The following RECK variants were observed in gnomAD, a reference collection of about 807,000 sequenced individuals.
RECK encodes the protein reversion inducing cysteine rich protein with kazal motifs.
Under a neutral mutation model 115.1 loss-of-function variants are expected in RECK, and 69 were observed. That is an observed-to-expected ratio of 0.60 (90% CI 0.49 to 0.73). The LOEUF is 0.73. RECK is among the 30% of genes least tolerant of loss of function. RECK has a pLI of 0.00. For missense variants in RECK, 1,047 were observed against 1,203.7 expected (o/e 0.87, Z 1.93); for synonymous variants, 414 against 419.7 (o/e 0.99, Z 0.17).
intron 18 of RECK, 74 bp downstream of exon 18, chr9:36,119,041 T>C (rs1824368796): frequency 7.2e-7 from 1 of 1,381,248 alleles, no homozygotes; most frequent in Non-Finnish European, 1.0e-6. Context: ...GAGTGAGTCA[T>C]TGAGAAGAGA....
intron 6 of RECK, chr9:36,066,742 A>G: frequency 1.7e-6 from 2 of 1,190,700 alleles, no homozygotes; most frequent in Admixed American, 2.7e-5. Context: ...CTCCTACATG[A>G]TGTCTGACAC....
rs1588286394 is a variant in RECK, at chr9:36,063,882, T to C, written c.357+2T>C. On this transcript the variant is annotated splice_donor_variant, in intron 5 of 20. Transcript: ENST00000377966. LOFTEE classifies it high-confidence loss of function. ...GAGTGTCGACAGGCATGCAAGCAGGTAACACTGGGTAGTCAGGCTCTCAAA... is the reference window on the plus strand; with the variant it reads ...GAGTGTCGACAGGCATGCAAGCAGGCAACACTGGGTAGTCAGGCTCTCAAA... The C allele has an allele frequency of 6.2e-7, 1 of 1,613,732 alleles. No individual in the cohort carries two copies. Among genetic ancestry groups the C allele is most frequent in the Non-Finnish European group, 8.5e-7 (1 of 1,179,624 alleles).
rs1204345648 is a variant in RECK at position 36,065,589 on chromosome 9, AATG to A, written c.373_375del (p.Asp125del). ...TGTTGGTTTTTAGGCATCTTCAAAGAATGATATTTCCAAAGTTTGCAGAAAAGA... is the reference window on the plus strand; with the variant it reads ...TGTTGGTTTTTAGGCATCTTCAAAGAATATTTCCAAAGTTTGCAGAAAAGA... On this transcript the variant is annotated inframe_deletion, in exon 6 of 21. Transcript: ENST00000377966. 1 of 1,588,434 alleles carries A rather than the reference AATG, an allele frequency of 6.3e-7. No homozygotes were observed. The highest frequency in any genetic ancestry group is 1.8e-5 in the Admixed American group (1 of 55,890).
rs139849271 is a variant in RECK, at chr9:36,117,028, T to G, written c.2104T>G (p.Phe702Val). The G allele has an allele frequency of 1.0e-4, 165 of 1,613,072 alleles. No individual in the cohort carries two copies. The highest frequency in any genetic ancestry group is 1.4e-4 in the Non-Finnish European group (161 of 1,179,466). Reference protein sequence around the residue: ...PQVCLTTFDKFGCSQYECVPR... With the variant: ...PQVCLTTFDKVGCSQYECVPR... ...GGTCTGCCTGACGACTTTTGATAAA[T>G]TTGGATGTAGCCAGTATGAGTGTGT... Residue 702 changes from phenylalanine (F) to valine (V), a missense_variant, in exon 17 of 21, where the codon TTT (phenylalanine) becomes GTT (valine). Coordinates refer to ENST00000377966, the MANE Select transcript of RECK (RefSeq NM_021111.3).
intron 18 of RECK, 150 bp downstream of exon 18, chr9:36,119,117 T>C: frequency 1.3e-6 from 1 of 793,856 alleles, no homozygotes; most frequent in South Asian, 1.8e-5. Flanking sequence ...CTACTTTGGG[T>C]TGACCTTAAA....
At chr9:36,112,253 G>T in intron 15 of RECK, 52 bp from the exon 16 acceptor site, 2 of 1,563,298 alleles carry the variant, frequency 1.3e-6, no homozygotes, top group South Asian at 1.1e-5. Flanking sequence ...GGAAATATAA[G>T]GGGAGGGGGA....
chr9:36,060,918 A>C lies in RECK; in HGVS notation c.271+763A>C, dbSNP rs73648704. 8.7e-3 allele frequency among the ~76,000 whole-genome samples: 1,330 copies of C among 152,262 alleles called. 20 individuals are homozygous for C. The highest frequency in any genetic ancestry group is 0.031 in the African/African-American group (1,277 of 41,542). ...CTCATAACTGCACCTCTTGTGAATG[A>C]TACTAGACTGGAAACCCCCAAGTTA... On this transcript the variant is annotated intron_variant, in intron 4 of 20. Coordinates refer to ENST00000377966, the MANE Select transcript of RECK (RefSeq NM_021111.3).
chr9:36,071,456 T>C (rs1421643748), intron 6 of RECK, among the ~76,000 whole-genome samples: 1 of 152,226 alleles, frequency 6.6e-6, no homozygotes, highest in African/African-American at 2.4e-5. Flanking sequence ...ATAATGGCCA[T>C]AAATATAAAT....
chr9:36,093,478 C>A (rs78641897), intron 10 of RECK, among the ~76,000 whole-genome samples: 3,811 of 151,976 alleles, frequency 0.025, 168 homozygotes, highest in African/African-American at 0.086. Context: ...CTAAAAAAAA[C>A]CACATGGAAA....
intron 13 of RECK, among the ~76,000 whole-genome samples, chr9:36,106,617 AATACTGTAAT>A (rs777732191): frequency 1.7e-4 from 26 of 152,084 alleles, no homozygotes; most frequent in Non-Finnish European, 2.5e-4. Context: ...ATATATGTGT[AATACTGTAAT>A]ATATCGGCTA....
chr9:36,051,090 TTGAA>T (rs1821283185), intron 1 of RECK, among the ~76,000 whole-genome samples: 1 of 152,180 alleles, frequency 6.6e-6, no homozygotes, highest in Non-Finnish European at 1.5e-5. Context: ...TTATGTTTTT[TTGAA>T]TGAATGATCA....
intron 10 of RECK, among the ~76,000 whole-genome samples, chr9:36,097,557 G>A (rs1030074041): frequency 2.6e-5 from 4 of 152,156 alleles, no homozygotes; most frequent in Non-Finnish European, 4.4e-5. Context: ...GGAGAAAAGG[G>A]AAGTCTTGTA....
chr9:36,086,532 T>A (rs1215416170), intron 8 of RECK, among the ~76,000 whole-genome samples: 1 of 151,864 alleles, frequency 6.6e-6, no homozygotes, highest in Non-Finnish European at 1.5e-5. Context: ...TTGTGAAGAG[T>A]GAAAGAACAA....
chr9:36,121,786 GGT>G (rs547870655), intron 20 of RECK, 98 bp downstream of exon 20: 185 of 1,300,416 alleles, frequency 1.4e-4, no homozygotes, highest in Non-Finnish European at 1.9e-4. Flanking sequence ...AGGATCCGTG[GGT>G]GAGGGAGTGG....
intron 12 of RECK, among the ~76,000 whole-genome samples, chr9:36,102,596 A>G (rs1249664303): frequency 6.6e-6 from 1 of 152,164 alleles, no homozygotes; most frequent in Non-Finnish European, 1.5e-5. Context: ...GCCTTTTGTC[A>G]TCAGAGTGTC....
rs774604465 is a variant in RECK, at chr9:36,058,831, TCTC to T, written c.168_170del (p.Ser57del). On this transcript the variant is annotated inframe_deletion, in exon 3 of 21. Transcript: ENST00000377966. ...TTTTTTTTTTTTGTCAAATAGATTT[TCTC>T]CTCAAAAAGTGAATCCCGACTAAAA... The T allele has an allele frequency of 1.3e-6, 2 of 1,591,108 alleles. No individual in the cohort carries two copies. Among genetic ancestry groups the T allele is most frequent in the South Asian group, 2.3e-5 (2 of 87,228 alleles).
intron 9 of RECK, 84 bp from the exon 10 acceptor site, chr9:36,091,080 A>G: frequency 7.8e-7 from 1 of 1,277,718 alleles, no homozygotes; most frequent in Non-Finnish European, 1.1e-6. Context: ...CAAAGTATAT[A>G]GTTCATAGAG....
intron 7 of RECK, among the ~76,000 whole-genome samples, chr9:36,081,943 G>A (rs941408382): frequency 1.3e-5 from 2 of 152,098 alleles, no homozygotes; most frequent in Non-Finnish European, 2.9e-5. Context: ...AGTAGGTATG[G>A]AATAGTTTCC....
rs1468742703 is a variant in RECK, at chr9:36,123,347, G to A, written c.*302G>A. 1.1e-5 allele frequency: 3 copies of A among 271,392 alleles called. No homozygotes were observed. Among genetic ancestry groups the A allele is most frequent in the South Asian group, 8.4e-5 (1 of 11,950 alleles). 16.8% of individuals were successfully genotyped at this position (271,392 alleles called of 1,614,324 possible). A position where few individuals can be genotyped will look rare whatever the true frequency, so the allele number is the denominator to read the frequency against. ...TCCCCCACTCTAAAGCAAATTTATC[G>A]CTGGGAAATGAGATGACCACTTTTT... On this transcript the variant is annotated 3_prime_UTR_variant, in exon 21 of 21. Coordinates refer to ENST00000377966, the MANE Select transcript of RECK (RefSeq NM_021111.3).
Sources: allele counts gnomAD v4.1 joint callset (sites outside exome capture counted in the v4.1 genomes callset), GRCh38; gene constraint gnomAD v4.1.1; transcripts MANE v1.5; gene names NCBI Gene and HGNC (gene_info 2026-07-23, HGNC 2026-07-21).